Variants in TTL observed in about 807,000 individuals in gnomAD.
The protein encoded by TTL is tubulin tyrosine ligase, also known as tubulin--tyrosine ligase.
Under a neutral mutation model 41.1 loss-of-function variants are expected in TTL, and 10 were observed. That is an observed-to-expected ratio of 0.24 (90% confidence interval 0.15 to 0.41). TTL has a LOEUF of 0.41. Ranked by LOEUF, TTL falls within the 10% of genes least tolerant of loss-of-function variation. TTL has a pLI of 1.00. For missense variants in TTL, 367 were observed against 460.4 expected (o/e 0.80, Z 1.86); for synonymous variants, 175 against 175.5 (o/e 1.00, Z 0.02).
Position 112,529,167 on chromosome 2 carries a change from T to C in TTL, c.*372T>C. The C allele has an allele frequency of 2.7e-6, 1 of 368,978 alleles. No individual in the cohort carries two copies. The highest frequency in any genetic ancestry group is 5.1e-6 in the Non-Finnish European group (1 of 196,786). The allele number at this position is 368,978 out of a possible 1,614,324, so 22.9% of individuals were successfully genotyped here. On this transcript the variant is annotated 3_prime_UTR_variant, in exon 7 of 7. Coordinates refer to ENST00000233336, the MANE Select transcript of TTL (RefSeq NM_153712.5). ...CCATGCCCGGCTGCAGCCCCACTGC[T>C]CTGGACTATGGATTGGACGTCAGAG...
In TTL at chr2:112,539,274, T is replaced by TA. The variant is rs1381767012; in HGVS notation, c.*10480dup. On this transcript the variant is annotated 3_prime_UTR_variant, in exon 7 of 7. Transcript: ENST00000233336. ...TACCCCAGACCTCAGCATCACCCAA[T>TA]ATACCTTTGTAACAAATTCGCACAT... The TA allele has an allele frequency of 6.6e-6, 1 of 152,102 alleles. No individual in the cohort carries two copies. The highest frequency in any genetic ancestry group is 1.5e-5 in the Non-Finnish European group (1 of 68,030). 9.4% of individuals were successfully genotyped at this position (152,102 alleles called of 1,614,324 possible).
rs1410847058 is a variant in TTL at position 112,482,234 on chromosome 2, G to T, written c.-111G>T. 1.5e-5 allele frequency: 12 copies of T among 824,774 alleles called. No homozygotes were observed. In the East Asian group the frequency reaches 1.4e-3, roughly 95 times the overall value. 51.1% of individuals were successfully genotyped at this position (824,774 alleles called of 1,614,324 possible). On this transcript the variant is annotated 5_prime_UTR_variant, in exon 1 of 7. Transcript: ENST00000233336. The surrounding 1 kb of genome is among the most constrained non-coding windows in gnomAD (Gnocchi z 5.3). ...AGAGGCGCGGTAGCCGGCGCGGGCGGCGGGGGCCGGGCCGCGGCGGGCGCC... is the reference window on the plus strand; with the variant it reads ...AGAGGCGCGGTAGCCGGCGCGGGCGTCGGGGGCCGGGCCGCGGCGGGCGCC...
chr2:112,500,295 G>A (rs572019459), intron 3 of TTL, among the ~76,000 whole-genome samples: 1 of 151,806 alleles, frequency 6.6e-6, no homozygotes, highest in East Asian at 1.9e-4. Context: ...GTAGTAGGCC[G>A]GGCATGGTGG....
rs34617627 is a variant in TTL at position 112,518,135 on chromosome 2, A to AT, written c.876-2127dup. Among the ~76,000 whole-genome samples, 753 of 135,924 alleles carry AT rather than the reference A, an allele frequency of 5.5e-3. 3 individuals carry two copies. The highest frequency in any genetic ancestry group is 0.012 in the African/African-American group (434 of 37,388). The allele number at this position is 135,924 out of a possible 152,430, so 89.2% of individuals were successfully genotyped here. On this transcript the variant is annotated intron_variant, in intron 5 of 6. Transcript: ENST00000233336. The stretch of plus-strand genomic sequence containing the variant: ...AGGCATGCGCCACCACAGCCAACTA[A>AT]TTTTTTTTTTTTTTTTTTTTAAGTA...
chr2:112,525,231 T>G (rs981857611), intron 6 of TTL, among the ~76,000 whole-genome samples: 2 of 152,218 alleles, frequency 1.3e-5, no homozygotes, highest in African/African-American at 4.8e-5. Flanking sequence ...GGGTGATGCC[T>G]CCAGCTTTGT....
At chr2:112,494,599 G>C (rs1286248769) in intron 3 of TTL, among the ~76,000 whole-genome samples, 1 of 152,180 alleles carries the variant, frequency 6.6e-6, no homozygotes, top group South Asian at 2.1e-4. Flanking sequence ...ATCTCTAAAA[G>C]GCATTTCAAA....
chr2:112,512,388 G>A (rs1197347080), intron 5 of TTL, among the ~76,000 whole-genome samples: 5 of 151,242 alleles, frequency 3.3e-5, no homozygotes, highest in South Asian at 2.1e-4. Flanking sequence ...TCAGCCTCCC[G>A]AATAGCTGGG....
intron 5 of TTL, among the ~76,000 whole-genome samples, chr2:112,513,571 A>ATATAAATATTTATACAAG (rs1162055976): frequency 6.7e-5 from 10 of 148,270 alleles, no homozygotes; most frequent in Admixed American, 1.3e-4. Flanking sequence ...ACAAATATAC[A>ATATAAATATTTATACAAG]TATAAATATT....
intron 6 of TTL, among the ~76,000 whole-genome samples, chr2:112,527,631 C>T (rs1682401609): frequency 6.6e-6 from 1 of 152,160 alleles, no homozygotes; most frequent in Admixed American, 6.6e-5. Flanking sequence ...ACTAGGATTG[C>T]AACCCCTGCT....
At chr2:112,511,031 T>G (rs933385524) in intron 5 of TTL, among the ~76,000 whole-genome samples, 1 of 152,152 alleles carries the variant, frequency 6.6e-6, no homozygotes, top group Non-Finnish European at 1.5e-5. Context: ...ATTTTTATGT[T>G]TTTTGAGACA....
chr2:112,535,071 AAAG>A lies in TTL; in HGVS notation c.*6282_*6284del, dbSNP rs904240360. Reference sequence around the variant, plus strand: ...AGAAAGATTGAGAAAGAAAAAAGAGAAAGAAGAAAGAAAAGAAAAAAGGAAAGA... The same window carrying A: ...AGAAAGATTGAGAAAGAAAAAAGAGAAAGAAAGAAAAGAAAAAAGGAAAGA... On this transcript the variant is annotated 3_prime_UTR_variant, in exon 7 of 7. Coordinates refer to ENST00000233336, the MANE Select transcript of TTL (RefSeq NM_153712.5). 2 of 152,008 alleles carry A rather than the reference AAAG, an allele frequency of 1.3e-5. No individual in the cohort carries two copies. Among genetic ancestry groups the A allele is most frequent in the Non-Finnish European group, 2.9e-5 (2 of 67,990 alleles). 9.4% of individuals were successfully genotyped at this position (152,008 alleles called of 1,614,324 possible). A position where few individuals can be genotyped will look rare whatever the true frequency, so the allele number is the denominator to read the frequency against.
At chr2:112,503,239 T>C in intron 5 of TTL, 58 bp downstream of exon 5, 1 of 1,417,872 alleles carries the variant, frequency 7.1e-7, no homozygotes, top group Non-Finnish European at 9.4e-7. Context: ...CTTTGGCGTC[T>C]ATGCCTTTCA....
At chr2:112,515,254 G>T (rs1682035586) in intron 5 of TTL, among the ~76,000 whole-genome samples, 1 of 152,080 alleles carries the variant, frequency 6.6e-6, no homozygotes, top group Admixed American at 6.5e-5. Context: ...GCTTGTTTTT[G>T]TAAGGTCTGT....
chr2:112,500,261 G>T (rs1386965386), intron 3 of TTL, among the ~76,000 whole-genome samples: 3 of 151,220 alleles, frequency 2.0e-5, no homozygotes, highest in Non-Finnish European at 4.4e-5. Flanking sequence ...GGGGGGAGTG[G>T]TGAAACCGTT....
intron 3 of TTL, among the ~76,000 whole-genome samples, chr2:112,497,022 A>G (rs987224115): frequency 6.6e-6 from 1 of 151,776 alleles, no homozygotes; most frequent in African/African-American, 2.4e-5. Flanking sequence ...GGGTTTCACC[A>G]CATTAGCCAG....
intron 6 of TTL, among the ~76,000 whole-genome samples, chr2:112,525,251 T>C (rs1443759364): frequency 6.6e-6 from 1 of 152,198 alleles, no homozygotes; most frequent in Non-Finnish European, 1.5e-5. Flanking sequence ...TTCTTTTGGC[T>C]TAGGATTGTC....
At chr2:112,486,249 T>A (rs1249404460) in intron 2 of TTL, among the ~76,000 whole-genome samples, 1 of 152,122 alleles carries the variant, frequency 6.6e-6, no homozygotes, top group Non-Finnish European at 1.5e-5. Context: ...GGGGTAGGAT[T>A]CTTAAGAGAC....
Position 112,539,986 on chromosome 2 carries a change from A to G in TTL, c.*11191A>G, listed in dbSNP as rs1256770219. 6.6e-6 allele frequency: 1 copy of G among 152,248 alleles called. No individual in the cohort carries two copies. 9.4% of individuals were successfully genotyped at this position (152,248 alleles called of 1,614,324 possible). On this transcript the variant is annotated 3_prime_UTR_variant, in exon 7 of 7. Transcript: ENST00000233336. The stretch of plus-strand genomic sequence containing the variant: ...GTTCATTTCTACACCAAATACTACA[A>G]AACATCTCTGAAAGAAATTAAAGAA...
Position 112,541,178 on chromosome 2 carries a change from T to G in TTL, c.*12383T>G, listed in dbSNP as rs1682723308. ...CTCATGACCTTGGATTACACAATGA[T>G]GTCTTAGATATGATATAAAAAGACA... is the stretch of plus-strand genomic sequence containing the variant. On this transcript the variant is annotated 3_prime_UTR_variant, in exon 7 of 7. Transcript: ENST00000233336. 6.6e-6 allele frequency: 1 copy of G among 152,146 alleles called. No homozygotes were observed. Among genetic ancestry groups the G allele is most frequent in the African/African-American group, 2.4e-5 (1 of 41,422 alleles). The allele number at this position is 152,146 out of a possible 1,614,324, so 9.4% of individuals were successfully genotyped here.
Sources: gnomAD v4.1 joint callset for allele counts (sites outside exome capture counted in the v4.1 genomes callset) on GRCh38, gnomAD v4.1.1 for gene constraint, Gnocchi (gnomAD v3.1) non-coding constraint, MANE v1.5 for transcripts, NCBI Gene and HGNC (gene_info 2026-07-23, HGNC 2026-07-21) for gene names.